Variants in USP36 observed in about 807,000 individuals in gnomAD.
The protein encoded by USP36 is ubiquitin carboxyl-terminal hydrolase 36.
Under a neutral mutation model 111.5 loss-of-function variants are expected in USP36, and 59 were observed. The observed-to-expected ratio is 0.53, with a 90% CI of 0.43 to 0.66. The LOEUF (loss-of-function observed/expected upper bound fraction) is 0.66. Among genes scored for constraint, USP36 ranks in the 30% least tolerant of loss-of-function variants. The probability of loss-of-function intolerance (pLI) is 0.00; values close to 1 mark genes in which losing one functional copy is unlikely to be tolerated. For missense variants in USP36, 1,488 were observed against 1,468.0 expected (o/e 1.01, Z -0.22); for synonymous variants, 628 against 581.0 (o/e 1.08, Z -1.16).
intron 10 of USP36, among the ~76,000 whole-genome samples, chr17:78,816,152 C>A (rs8076017): frequency 0.017 from 2,597 of 151,782 alleles, 62 homozygotes; most frequent in African/African-American, 0.06. Context: ...GAAAAACATA[C>A]GCATAATTTT....
intron 14 of USP36, 147 bp downstream of exon 14, chr17:78,806,812 G>A (rs2093914414): frequency 1.7e-6 from 2 of 1,154,938 alleles, no homozygotes; most frequent in African/African-American, 3.1e-5. Flanking sequence ...ATTGCAAATG[G>A]CTGGGAACGA....
At chr17:78,821,416 ATATATTTTTTTT>A (rs1238066104) in intron 7 of USP36, 1 of 51,784 alleles carries the variant, frequency 1.9e-5, no homozygotes, top group East Asian at 5.4e-4. Context: ...ATATATATAT[ATATATTTTTTTT>A]TTTTTTTTTT....
chr17:78,807,628 G>A lies in USP36; in HGVS notation c.1416C>T (p.Asp472=), dbSNP rs2093943706. 6.5e-7 allele frequency: 1 copy of A among 1,527,354 alleles called. No homozygotes were observed. Among genetic ancestry groups the A allele is most frequent in the East Asian group, 2.3e-5 (1 of 44,100 alleles). The allele number at this position is 1,527,354 out of a possible 1,614,324, so 94.6% of individuals were successfully genotyped here. The change falls in exon 14 of 21, where the codon GAC becomes GAT. Residue 472 remains aspartate, a synonymous_variant. Transcript: ENST00000449938. ...TGTGCGGCTTCTTCATCGTCCCAGA[G>A]TCTTGTCGCTAAGGAGACCAAAGCA... ...ISSPLTGKRQ[D]SGTMKKPHTT... is the part of the protein sequence containing the mutation.
rs2093803017 is a variant in USP36, at chr17:78,803,313, G to A, written c.2810+72C>T. The A allele has an allele frequency of 2.7e-6, 4 of 1,489,504 alleles. No individual in the cohort carries two copies. The highest frequency in any genetic ancestry group is 2.8e-5 in the African/African-American group (2 of 72,160). 92.3% of individuals were successfully genotyped at this position (1,489,504 alleles called of 1,614,324 possible). ...CTACGTTTCCAGACCATACCTACTT[G>A]GGGGTAGATTCTGTGGTTTTGCTTT... is the stretch of plus-strand genomic sequence containing the variant. On this transcript the variant is annotated intron_variant, in intron 16 of 20. Transcript: ENST00000449938. The surrounding 1 kb of genome is among the most constrained non-coding windows in gnomAD (Gnocchi z 4.6).
intron 17 of USP36, among the ~76,000 whole-genome samples, chr17:78,800,698 C>G (rs1483360535): frequency 1.3e-5 from 2 of 152,232 alleles, no homozygotes; most frequent in African/African-American, 4.8e-5. Context: ...TGGTGCCCTG[C>G]CCATTTAGCC....
intron 1 of USP36, 43 bp from the exon 2 acceptor site, chr17:78,838,793 CTG>C (rs1357735012): frequency 6.6e-6 from 1 of 152,348 alleles, no homozygotes; most frequent in African/African-American, 2.4e-5. Flanking sequence ...GCGACTCTTC[CTG>C]TGCCTTCTCT....
chr17:78,828,787 T>A (rs2067811173), intron 5 of USP36, 110 bp downstream of exon 5: 1 of 1,111,740 alleles, frequency 9.0e-7, no homozygotes, highest in East Asian at 2.6e-5. Flanking sequence ...GAAGGACTGC[T>A]TAAGGCCAGG....
Position 78,797,088 on chromosome 17 carries a change from G to A in USP36, c.*812C>T, listed in dbSNP as rs1367056747. 6.6e-6 allele frequency: 1 copy of A among 152,226 alleles called. No homozygotes were observed. The highest frequency in any genetic ancestry group is 1.5e-5 in the Non-Finnish European group (1 of 68,046). 9.4% of individuals were successfully genotyped at this position (152,226 alleles called of 1,614,324 possible). On this transcript the variant is annotated 3_prime_UTR_variant, in exon 21 of 21. Coordinates refer to ENST00000449938, the MANE Select transcript of USP36 (RefSeq NM_001385174.1). Reference sequence around the variant, plus strand: ...AGGACTGGTCAAAAATAAATGTTTTGTATTAAGTAGTAAAATAAATGGAGA... The same window carrying A: ...AGGACTGGTCAAAAATAAATGTTTTATATTAAGTAGTAAAATAAATGGAGA...
chr17:78,830,181 G>A lies in USP36; in HGVS notation c.476-1174C>T, dbSNP rs111340845. On this transcript the variant is annotated intron_variant, in intron 4 of 20. Coordinates refer to ENST00000449938, the MANE Select transcript of USP36 (RefSeq NM_001385174.1). ...CACTATCCTGAATTAGGCAATTATC[G>A]TTCTCATTCATGTATTATCACACAC... Among the ~76,000 whole-genome samples the A allele has an allele frequency of 6.6e-3, 1,000 of 152,278 alleles. 11 individuals carry two copies. Among genetic ancestry groups the A allele is most frequent in the African/African-American group, 0.022 (895 of 41,544 alleles).
chr17:78,822,584 T>C (rs976714287), intron 6 of USP36, among the ~76,000 whole-genome samples: 4 of 152,194 alleles, frequency 2.6e-5, no homozygotes, highest in Non-Finnish European at 4.4e-5. Flanking sequence ...CTGCCCTCAT[T>C]CATGTCCCCC....
At chr17:78,812,414 G>C (rs2094083051) in intron 13 of USP36, among the ~76,000 whole-genome samples, 1 of 152,124 alleles carries the variant, frequency 6.6e-6, no homozygotes, top group Non-Finnish European at 1.5e-5. Flanking sequence ...CATTGGCCGG[G>C]CGCGGTGGCT....
At chr17:78,839,760 C>A (rs1039284789) in intron 1 of USP36, among the ~76,000 whole-genome samples, 3 of 152,188 alleles carry the variant, frequency 2.0e-5, no homozygotes, top group African/African-American at 4.8e-5. Context: ...CGCTCTCTGA[C>A]GTGTAGGAGC....
chr17:78,807,329 C>T lies in USP36; in HGVS notation c.1715G>A (p.Trp572Ter), dbSNP rs757795848. Residue 572 changes from tryptophan (W) to a stop codon, truncating the protein, a stop_gained, in exon 14 of 21, where the codon TGG (tryptophan) becomes TAG (stop). Transcript: ENST00000449938. LOFTEE classifies it high-confidence loss of function. ...AGAGAGGACAACATCCCTGCTGTCC[C>T]AGGAGCCCTGCCTTTGGCTCCCAGA... The part of the protein sequence containing the change: ...SRSGSQRQGS[W>*]DSRDVVLSTS... 3 of 1,614,090 alleles carry T rather than the reference C, an allele frequency of 1.9e-6. No individual in the cohort carries two copies. The highest frequency in any genetic ancestry group is 8.5e-7 in the Non-Finnish European group (1 of 1,180,036).
In USP36 at chr17:78,818,740, ATGG is replaced by A. The variant is rs2094246508; in HGVS notation, c.947_949del (p.Thr316del). The A allele has an allele frequency of 6.2e-7, 1 of 1,613,936 alleles. No individual in the cohort carries two copies. Among genetic ancestry groups the A allele is most frequent in the Non-Finnish European group, 8.5e-7 (1 of 1,179,934 alleles). On this transcript the variant is annotated inframe_deletion, in exon 10 of 21. Transcript: ENST00000449938. Reference sequence around the variant, plus strand: ...GGTTAAGACGTTGGATGTTCTGTGGATGGTGAAGCGCTTGCTGGCTGGAACCTT... The same window carrying A: ...GGTTAAGACGTTGGATGTTCTGTGGATGAAGCGCTTGCTGGCTGGAACCTT...
intron 6 of USP36, 23 bp downstream of exon 6, chr17:78,827,218 TGGGA>T: frequency 1.2e-6 from 1 of 817,124 alleles, no homozygotes; most frequent in Non-Finnish European, 1.4e-6. Context: ...TCCAAAGCCC[TGGGA>T]GGGTGGGTGG....
At chr17:78,825,281 C>T (rs2067436441) in intron 6 of USP36, among the ~76,000 whole-genome samples, 1 of 152,170 alleles carries the variant, frequency 6.6e-6, no homozygotes. Context: ...GAAATATTAT[C>T]AACACGCTCT....
chr17:78,815,898 AT>A (rs2094173241), intron 10 of USP36, among the ~76,000 whole-genome samples: 2 of 152,272 alleles, frequency 1.3e-5, no homozygotes, highest in South Asian at 4.1e-4. Context: ...CAACACATAC[AT>A]GCACGCACAC....
intron 5 of USP36, among the ~76,000 whole-genome samples, chr17:78,827,691 C>G (rs1229531915): frequency 6.6e-6 from 1 of 151,748 alleles, no homozygotes; most frequent in Non-Finnish European, 1.5e-5. Context: ...TCACTTGAGC[C>G]CAGGAGTTCG....
Position 78,835,885 on chromosome 17 carries a change from A to C in USP36, c.253+226T>G, listed in dbSNP as rs555609443. On this transcript the variant is annotated intron_variant, in intron 3 of 20. Coordinates refer to ENST00000449938, the MANE Select transcript of USP36 (RefSeq NM_001385174.1). Reference sequence around the variant, plus strand: ...ATTATACTTGGGATAGGGGGACAGCAAGTCCAAGGACCCACCAAGTACACA... The same window carrying C: ...ATTATACTTGGGATAGGGGGACAGCCAGTCCAAGGACCCACCAAGTACACA... The C allele has an allele frequency of 1.3e-4, 88 of 658,594 alleles. 2 individuals carry two copies. In the South Asian group the frequency reaches 1.7e-3, roughly 13 times the overall value. 40.8% of individuals were successfully genotyped at this position (658,594 alleles called of 1,614,324 possible).
Sources: gnomAD v4.1 joint callset for allele counts (sites outside exome capture counted in the v4.1 genomes callset) on GRCh38, gnomAD v4.1.1 for gene constraint, Gnocchi (gnomAD v3.1) non-coding constraint, MANE v1.5 for transcripts, NCBI Gene and HGNC (gene_info 2026-07-23, HGNC 2026-07-21) for gene names.